The following KDM4C variants were observed in gnomAD, a reference collection of about 807,000 sequenced individuals.
KDM4C encodes lysine-specific demethylase 4C.
Under a neutral mutation model 129.3 loss-of-function variants are expected in KDM4C, and 81 were observed. That is an observed-to-expected ratio of 0.63 (90% confidence interval 0.52 to 0.75). The LOEUF is 0.75. Among genes scored for constraint, KDM4C ranks in the 30% least tolerant of loss-of-function variants. KDM4C has a pLI of 0.00. For synonymous variants in KDM4C, 573 were observed against 456.1 expected (o/e 1.26, Z -3.26); for missense variants, 1,457 against 1,304.0 (o/e 1.12, Z -1.81).
intron 17 of KDM4C, among the ~76,000 whole-genome samples, chr9:7,080,708 G>A (rs79629027): frequency 0.033 from 5,071 of 152,202 alleles, 268 homozygotes; most frequent in African/African-American, 0.12. Context: ...TAATTTAAGC[G>A]CACATATAAT....
At chr9:6,901,867 T>A (rs529017648) in intron 8 of KDM4C, among the ~76,000 whole-genome samples, 4 of 152,338 alleles carry the variant, frequency 2.6e-5, no homozygotes, top group African/African-American at 9.6e-5. Context: ...GTAGTTTCTG[T>A]ATAGTGGCGC....
intron 8 of KDM4C, among the ~76,000 whole-genome samples, chr9:6,958,524 T>C (rs1448961751): frequency 6.6e-6 from 1 of 151,688 alleles, no homozygotes; most frequent in Non-Finnish European, 1.5e-5. Flanking sequence ...GAGGCAGAGG[T>C]TGTGGTGAGC....
At chr9:6,970,071 CT>C (rs1831693497) in intron 8 of KDM4C, among the ~76,000 whole-genome samples, 1 of 152,188 alleles carries the variant, frequency 6.6e-6, no homozygotes, top group Non-Finnish European at 1.5e-5. Context: ...TCTAGCTTCC[CT>C]AAATTACATG....
At chr9:6,831,726 G>A (rs1443000294) in intron 4 of KDM4C, among the ~76,000 whole-genome samples, 1 of 152,138 alleles carries the variant, frequency 6.6e-6, no homozygotes. Context: ...AAGGAAGAGG[G>A]AGGAAGAGTG....
At chr9:6,772,641 G>A (rs1424507277) in intron 1 of KDM4C, among the ~76,000 whole-genome samples, 6 of 151,358 alleles carry the variant, frequency 4.0e-5, no homozygotes, top group African/African-American at 1.5e-4. Context: ...GATTACAGGT[G>A]TGAGCCACTG....
At chr9:6,871,317 A>G (rs919861866) in intron 5 of KDM4C, among the ~76,000 whole-genome samples, 1 of 152,246 alleles carries the variant, frequency 6.6e-6, no homozygotes, top group African/African-American at 2.4e-5. Context: ...TGTTTGTTTC[A>G]CAACTGCAGG....
intron 6 of KDM4C, among the ~76,000 whole-genome samples, chr9:6,886,741 C>T (rs1005445103): frequency 6.6e-6 from 1 of 152,082 alleles, no homozygotes; most frequent in African/African-American, 2.4e-5. Context: ...GACCACCCGC[C>T]TCAGCCTCCC....
chr9:6,849,673 A>T lies in KDM4C; in HGVS notation c.602A>T (p.Tyr201Phe), dbSNP rs761207747. ...GACATGGACCTCTATAGCATTAATTATCTCCACTTTGGAGAGCCCAAGTCT... is the reference window on the plus strand; with the variant it reads ...GACATGGACCTCTATAGCATTAATTTTCTCCACTTTGGAGAGCCCAAGTCT... ...TEDMDLYSIN[Y>F]LHFGEPKSWY... is the part of the protein sequence containing the mutation. Residue 201 changes from tyrosine (Y) to phenylalanine (F), a missense_variant, in exon 5 of 22, where the codon TAT becomes TTT. Transcript: ENST00000381309. 4.4e-6 allele frequency: 7 copies of T among 1,602,124 alleles called. No homozygotes were observed. The highest frequency in any genetic ancestry group is 1.1e-5 in the South Asian group (1 of 89,672).
chr9:6,916,520 A>G lies in KDM4C; in HGVS notation c.921+23288A>G, dbSNP rs1820346334. Among the ~76,000 whole-genome samples the G allele has an allele frequency of 2.0e-5, 3 of 152,272 alleles. No individual in the cohort carries two copies. In the South Asian group the frequency reaches 6.2e-4, roughly 32 times the overall value. On this transcript the variant is annotated intron_variant, in intron 8 of 21. Transcript: ENST00000381309. ...AGTGATCCTCCTGCATTGGCCTCCC[A>G]AAGTGCTGGGATTATAGGAGTGAGC...
intron 8 of KDM4C, among the ~76,000 whole-genome samples, chr9:6,902,366 CT>C (rs1817554929): frequency 6.6e-6 from 1 of 152,046 alleles, no homozygotes; most frequent in South Asian, 2.1e-4. Flanking sequence ...CTGTATATAC[CT>C]CTTTCTGAAG....
intron 8 of KDM4C, chr9:6,925,298 A>C: frequency 2.0e-6 from 2 of 985,228 alleles, no homozygotes; most frequent in Non-Finnish European, 2.4e-6. Flanking sequence ...ATAATAATGG[A>C]GGTCAAATAA....
rs888463310 is a variant in KDM4C, at chr9:6,780,724, C to T, written c.-17-12248C>T. 4.3e-5 allele frequency among the ~76,000 whole-genome samples: 6 copies of T among 140,882 alleles called. No individual in the cohort carries two copies. In the South Asian group the frequency reaches 9.2e-4, roughly 22 times the overall value. 92.4% of individuals were successfully genotyped at this position (140,882 alleles called of 152,430 possible). On this transcript the variant is annotated intron_variant, in intron 1 of 21. Coordinates refer to ENST00000381309, the MANE Select transcript of KDM4C (RefSeq NM_015061.6). ...TAGAGGTTGCAGTGAGCCGAGATTC[C>T]GCCATTGTACTCCAGCCTGGGCAAC...
intron 8 of KDM4C, among the ~76,000 whole-genome samples, chr9:6,961,283 C>T (rs1280605174): frequency 6.6e-6 from 1 of 152,122 alleles, no homozygotes; most frequent in Non-Finnish European, 1.5e-5. Flanking sequence ...GGAGGACAGT[C>T]TTGTCATCAT....
chr9:6,996,862 T>G (rs557250285), intron 12 of KDM4C, among the ~76,000 whole-genome samples: 1 of 152,330 alleles, frequency 6.6e-6, no homozygotes, highest in South Asian at 2.1e-4. Context: ...TCTTTTATAT[T>G]TGGCCAAACA....
At chr9:6,734,201 CAGAA>C (rs1041502094) in intron 1 of KDM4C, among the ~76,000 whole-genome samples, 2 of 151,474 alleles carry the variant, frequency 1.3e-5, no homozygotes, top group Non-Finnish European at 2.9e-5. Context: ...CAGCTGTCCC[CAGAA>C]AGAGATTGAT....
At chr9:6,965,926 C>T (rs1830883034) in intron 8 of KDM4C, among the ~76,000 whole-genome samples, 1 of 152,166 alleles carries the variant, frequency 6.6e-6, no homozygotes, top group South Asian at 2.1e-4. Context: ...ATAAAATTAA[C>T]CATCACAATA....
intron 19 of KDM4C, among the ~76,000 whole-genome samples, chr9:7,137,977 T>C (rs1047344910): frequency 1.3e-5 from 2 of 152,262 alleles, no homozygotes; most frequent in African/African-American, 4.8e-5. Flanking sequence ...AACATTACCT[T>C]CATTTTATTA....
At chr9:6,905,323 A>G (rs956310774) in intron 8 of KDM4C, among the ~76,000 whole-genome samples, 11 of 152,156 alleles carry the variant, frequency 7.2e-5, no homozygotes, top group African/African-American at 1.4e-4. Context: ...TAGCCCTTGT[A>G]TGAAACTCTT....
chr9:6,858,995 C>T (rs945393631), intron 5 of KDM4C, among the ~76,000 whole-genome samples: 4 of 152,016 alleles, frequency 2.6e-5, no homozygotes, highest in African/African-American at 9.7e-5. Flanking sequence ...GATTGCATTT[C>T]TAAAGCTAGG....
Sources: gnomAD v4.1 joint callset for allele counts (sites outside exome capture counted in the v4.1 genomes callset) on GRCh38, gnomAD v4.1.1 for gene constraint, MANE v1.5 for transcripts, NCBI Gene and HGNC (gene_info 2026-07-23, HGNC 2026-07-21) for gene names.